The following MUC5AC variants were observed in gnomAD, a reference collection of about 807,000 sequenced individuals.
MUC5AC encodes the protein mucin-5AC.
A neutral mutation model predicts 169.7 loss-of-function variants in MUC5AC; 158 were observed. That is an observed-to-expected ratio of 0.93 (90% CI 0.82 to 1.06). The LOEUF is 1.06. Ranked by LOEUF, MUC5AC falls within the 50% of genes least tolerant of loss-of-function variation. MUC5AC has a pLI of 0.00. For synonymous variants in MUC5AC, 1,975 were observed against 1,237.0 expected (o/e 1.60, Z -12.52); for missense variants, 4,359 against 3,089.9 (o/e 1.41, Z -9.74).
At chr11:1,159,589 G>A (rs1860071106) in intron 1 of MUC5AC, among the ~76,000 whole-genome samples, 1 of 64,828 alleles carries the variant, frequency 1.5e-5, no homozygotes, top group Non-Finnish European at 3.6e-5. Context: ...GGGGCTGTGC[G>A]GGGCTGTGCG....
At position 1,197,925 on chromosome 11, in the gene MUC5AC, C is replaced by A. The variant is rs35915689; in HGVS notation, c.16056C>A (p.Pro5352=). Residue 5352 remains proline, a synonymous_variant, in exon 42 of 49, where the codon CCC becomes CCA. Coordinates refer to ENST00000621226, the MANE Select transcript of MUC5AC (RefSeq NM_001304359.2). ...CAGCCTGCAACACCAGCCGCTGCCC[C>A]GCGCCCGTGGGCTGTCCTGAGGGCG... The part of the protein sequence containing the change: ...YSCACNTSRC[P]APVGCPEGAR... 1.4e-6 allele frequency: 1 copy of A among 730,278 alleles called. No individual in the cohort carries two copies. The highest frequency in any genetic ancestry group is 2.5e-5 in the East Asian group (1 of 39,540). 45.2% of individuals were successfully genotyped at this position (730,278 alleles called of 1,614,324 possible). A position where few individuals can be genotyped will look rare whatever the true frequency, so the allele number is the denominator to read the frequency against.
intron 42 of MUC5AC, 87 bp from the exon 43 acceptor site, chr11:1,198,181 C>T (rs1016186286): frequency 1.6e-5 from 11 of 704,170 alleles, no homozygotes; most frequent in East Asian, 1.1e-4. Flanking sequence ...GGGAATGAGG[C>T]GCCCAGGAGG....
chr11:1,187,634 C>T lies in MUC5AC; in HGVS notation c.9489C>T (p.Ser3163=). The T allele has an allele frequency of 1.3e-6, 1 of 764,562 alleles. No homozygotes were observed. Among genetic ancestry groups the T allele is most frequent in the East Asian group, 2.4e-5 (1 of 41,218 alleles). 47.4% of individuals were successfully genotyped at this position (764,562 alleles called of 1,614,324 possible). Residue 3163 remains serine (S), a synonymous_variant, in exon 31 of 49, where the codon AGC becomes AGT. Coordinates refer to ENST00000621226, the MANE Select transcript of MUC5AC (RefSeq NM_001304359.2). ...GTTPSPVPTT[S]TIFAPRTSTT... Reference sequence around the variant, plus strand: ...CTCCCAGCCCTGTTCCCACCACCAGCACAATCTTTGCTCCTAGAACCAGCA... The same window carrying T: ...CTCCCAGCCCTGTTCCCACCACCAGTACAATCTTTGCTCCTAGAACCAGCA...
chr11:1,191,246 C>T lies in MUC5AC; in HGVS notation c.13101C>T (p.Ala4367=), dbSNP rs1267983674. 1 of 674,998 alleles carries T rather than the reference C, an allele frequency of 1.5e-6. No individual in the cohort carries two copies. The highest frequency in any genetic ancestry group is 2.7e-6 in the Non-Finnish European group (1 of 374,324). 41.8% of individuals were successfully genotyped at this position (674,998 alleles called of 1,614,324 possible). ...CCAGCACAACCTCTGCCTCTACAGC[C>T]AGCACAACCTCTGGTCCTGGAACTA... is the stretch of plus-strand genomic sequence containing the variant. The part of the protein sequence containing the change: ...PTTSTTSAST[A]STTSGPGTTP... The change falls in exon 31 of 49, where the codon GCC becomes GCT. Residue 4367 remains alanine, a synonymous_variant. Coordinates refer to ENST00000621226, the MANE Select transcript of MUC5AC (RefSeq NM_001304359.2).
chr11:1,191,254 C>A lies in MUC5AC; in HGVS notation c.13109C>A (p.Thr4370Asn), dbSNP rs1355495013. 5 of 736,700 alleles carry A rather than the reference C, an allele frequency of 6.8e-6. No individual in the cohort carries two copies. The East Asian group carries it at 1.2e-4, about 18-fold the overall frequency. The allele number at this position is 736,700 out of a possible 1,614,324, so 45.6% of individuals were successfully genotyped here. Residue 4370 changes from threonine (T) to asparagine (N), a missense_variant, in exon 31 of 49, where the codon ACC (threonine) becomes AAC (asparagine). By Grantham distance (65) the Thr-to-Asn change is moderately conservative. Transcript: ENST00000621226. Reference protein sequence around the residue: ...STTSASTASTTSGPGTTPSPV... With the variant: ...STTSASTASTNSGPGTTPSPV... ...ACCTCTGCCTCTACAGCCAGCACAA[C>A]CTCTGGTCCTGGAACTACTCCCAGC...
In MUC5AC at chr11:1,164,474, C is replaced by T. The variant is rs1477184421; in HGVS notation, c.1071C>T (p.Asn357=). 1 of 1,611,978 alleles carries T rather than the reference C, an allele frequency of 6.2e-7. No individual in the cohort carries two copies. The highest frequency in any genetic ancestry group is 1.3e-5 in the African/African-American group (1 of 75,046). The part of the protein sequence containing the change: ...CRSPCADTCS[N]QEHSRACEDH... ...CCCCCTGCGCAGACACCTGCTCCAA[C>T]CAGGAGCACTCCCGGGCCTGTGAGG... Residue 357 remains asparagine, a synonymous_variant, in exon 9 of 49, where the codon AAC becomes AAT. Transcript: ENST00000621226.
intron 27 of MUC5AC, 27 bp from the exon 28 acceptor site, chr11:1,180,324 GGTT>G (rs1860787180): frequency 2.5e-6 from 1 of 398,640 alleles, no homozygotes; most frequent in Non-Finnish European, 4.4e-6. Flanking sequence ...CACTCGGTCT[GGTT>G]GTGACTCTGG....
chr11:1,179,155 G>C lies in MUC5AC; in HGVS notation c.3391G>C (p.Asp1131His). The C allele has an allele frequency of 1.5e-6, 1 of 679,506 alleles. No homozygotes were observed. The highest frequency in any genetic ancestry group is 2.7e-6 in the Non-Finnish European group (1 of 372,600). 42.1% of individuals were successfully genotyped at this position (679,506 alleles called of 1,614,324 possible). ...CGCGTGCGCCTGCGACTCCGGGGGT[G>C]ACTGCGAGTGCTTCTGCACGGCTGT... ...NDACACDSGG[D>H]CECFCTAVAA... is the part of the protein sequence containing the mutation. Residue 1131 changes from aspartate to histidine, a missense_variant, in exon 26 of 49, where the codon GAC (aspartate) becomes CAC (histidine). Physicochemically the swap from Asp to His is moderately conservative, Grantham distance 81. Transcript: ENST00000621226.
Position 1,165,435 on chromosome 11 carries a change from C to A in MUC5AC, c.1247+16C>A, listed in dbSNP as rs369576988. ...GCACCAACTGGTAGGTCCCAGCCCC[C>A]CTCCAGGCCACCAAGGATGTGCTAT... On this transcript the variant is annotated intron_variant, in intron 10 of 48. Transcript: ENST00000621226. 95 of 1,455,800 alleles carry A rather than the reference C, an allele frequency of 6.5e-5. No individual in the cohort carries two copies. The African/African-American group carries it at 1.5e-3, about 23-fold the overall frequency. 90.2% of individuals were successfully genotyped at this position (1,455,800 alleles called of 1,614,324 possible). A position where few individuals can be genotyped will look rare whatever the true frequency, so the allele number is the denominator to read the frequency against.
Position 1,195,140 on chromosome 11 carries a change from C to T in MUC5AC, c.15319C>T (p.Pro5107Ser), listed in dbSNP as rs1861234619. The T allele has an allele frequency of 1.3e-6, 1 of 761,736 alleles. No individual in the cohort carries two copies. The highest frequency in any genetic ancestry group is 1.7e-5 in the African/African-American group (1 of 57,718). The allele number at this position is 761,736 out of a possible 1,614,324, so 47.2% of individuals were successfully genotyped here. Residue 5107 changes from proline (P) to serine (S), a missense_variant, in exon 36 of 49, where the codon CCG becomes TCG. Pro to Ser is a moderately conservative substitution (Grantham distance 74). Coordinates refer to ENST00000621226, the MANE Select transcript of MUC5AC (RefSeq NM_001304359.2). Reference sequence around the variant, plus strand: ...CCAGCCAGCCTGCCACCGGCCTCACCCGACGCCCACCACGGTCGGGCCCAC... The same window carrying T: ...CCAGCCAGCCTGCCACCGGCCTCACTCGACGCCCACCACGGTCGGGCCCAC... Reference protein sequence around the residue: ...PDQPACHRPHPTPTTVGPTTV... With the variant: ...PDQPACHRPHSTPTTVGPTTV...
At chr11:1,165,867 C>A (rs750694041) in intron 11 of MUC5AC, 107 bp downstream of exon 11, 111 of 1,500,750 alleles carry the variant, frequency 7.4e-5, no homozygotes, top group Non-Finnish European at 9.7e-5. Context: ...CTGGGGTCAC[C>A]CTTGGGGGTC....
At chr11:1,175,586 C>G (rs1356255482) in intron 19 of MUC5AC, among the ~76,000 whole-genome samples, 8 of 147,088 alleles carry the variant, frequency 5.4e-5, no homozygotes, top group Non-Finnish European at 9.0e-5. Context: ...CACACACCCA[C>G]TCATGCACAC....
rs1354559550 is a variant in MUC5AC, at chr11:1,186,609, T to G, written c.8464T>G (p.Ser2822Ala). The change falls in exon 31 of 49, where the codon TCG becomes GCG. Residue 2822 changes from serine to alanine, a missense_variant. Coordinates refer to ENST00000621226, the MANE Select transcript of MUC5AC (RefSeq NM_001304359.2). The part of the protein sequence containing the change: ...TTSTPQTSTT[S>A]APTTSTTSGP... ...TTCCACACCACAGACCAGCACAACT[T>G]CGGCTCCTACAACCAGCACAACTTC... 1.5e-5 allele frequency: 11 copies of G among 716,498 alleles called. No individual in the cohort carries two copies. In the African/African-American group the frequency reaches 1.9e-4, roughly 13 times the overall value. The allele number at this position is 716,498 out of a possible 1,614,324, so 44.4% of individuals were successfully genotyped here.
chr11:1,159,560 GGGC>G lies in MUC5AC; in HGVS notation c.74-1051_74-1049del. Among the ~76,000 whole-genome samples, 2 of 22,930 alleles carry G rather than the reference GGGC, an allele frequency of 8.7e-5. 1 individual carries two copies. The highest frequency in any genetic ancestry group is 2.1e-4 in the African/African-American group (2 of 9,438). The allele number at this position is 22,930 out of a possible 152,430, so 15.0% of individuals were successfully genotyped here. A position where few individuals can be genotyped will look rare whatever the true frequency, so the allele number is the denominator to read the frequency against. On this transcript the variant is annotated intron_variant, in intron 1 of 48. Coordinates refer to ENST00000621226, the MANE Select transcript of MUC5AC (RefSeq NM_001304359.2). ...GTGCGGGGCTGTGCGGGGCTGTGCG[GGGC>G]TGTGCGGGGCTGTGCGGGGCTGTGC...
At position 1,160,626 on chromosome 11, in the gene MUC5AC, G is replaced by T; in HGVS notation, c.88G>T (p.Gly30Cys). 1 of 1,609,290 alleles carries T rather than the reference G, an allele frequency of 6.2e-7. No individual in the cohort carries two copies. ...CTRHTGHAQDGSSESSYKHHP... is the reference protein window; with the variant it reads ...CTRHTGHAQDCSSESSYKHHP... The stretch of plus-strand genomic sequence containing the variant: ...TCTTTCTGCAGGCCATGCCCAGGAT[G>T]GCTCCTCCGAATCCAGCTACAAGCA... The change falls in exon 2 of 49, where the codon GGC becomes TGC. Residue 30 changes from glycine to cysteine, a missense_variant. Coordinates refer to ENST00000621226, the MANE Select transcript of MUC5AC (RefSeq NM_001304359.2).
chr11:1,164,874 G>T (rs1860265834), intron 9 of MUC5AC, among the ~76,000 whole-genome samples: 1 of 134,072 alleles, frequency 7.5e-6, no homozygotes, highest in Non-Finnish European at 1.6e-5. Context: ...GCCCCCTGAG[G>T]CTGGCTGATG....
Position 1,187,577 on chromosome 11 carries a change from T to C in MUC5AC, c.9432T>C (p.Ser3144=). 1 of 756,978 alleles carries C rather than the reference T, an allele frequency of 1.3e-6. No individual in the cohort carries two copies. The highest frequency in any genetic ancestry group is 2.4e-5 in the East Asian group (1 of 40,942). 46.9% of individuals were successfully genotyped at this position (756,978 alleles called of 1,614,324 possible). A position where few individuals can be genotyped will look rare whatever the true frequency, so the allele number is the denominator to read the frequency against. ...CTACAACCAGCACAACTTCTGCCTC[T>C]ACAGCCAGCAAAACCTCTGGTCCTG... The part of the protein sequence containing the change: ...SPPTTSTTSA[S]TASKTSGPGT... The change falls in exon 31 of 49, where the codon TCT becomes TCC. Residue 3144 remains serine (S), a synonymous_variant. Coordinates refer to ENST00000621226, the MANE Select transcript of MUC5AC (RefSeq NM_001304359.2).
In MUC5AC at chr11:1,187,989, G is replaced by C. The variant is rs1449687181; in HGVS notation, c.9844G>C (p.Glu3282Gln). 2.6e-6 allele frequency: 2 copies of C among 758,986 alleles called. No individual in the cohort carries two copies. Among genetic ancestry groups the C allele is most frequent in the Non-Finnish European group, 4.8e-6 (2 of 414,022 alleles). 47.0% of individuals were successfully genotyped at this position (758,986 alleles called of 1,614,324 possible). A position where few individuals can be genotyped will look rare whatever the true frequency, so the allele number is the denominator to read the frequency against. ...CGAGAGCCACCCGGAGGTGAGCATT[G>C]AACACCTGGGCCAGGTGGTGCAGTG... ...RAESHPEVSI[E>Q]HLGQVVQCSR... Residue 3282 changes from glutamate (E) to glutamine (Q), a missense_variant, in exon 31 of 49, where the codon GAA becomes CAA. Transcript: ENST00000621226.
chr11:1,163,103 G>A (rs1365123946), intron 6 of MUC5AC, 58 bp downstream of exon 6: 21 of 1,488,644 alleles, frequency 1.4e-5, no homozygotes, highest in South Asian at 1.4e-4. Context: ...GCTCAGTGTT[G>A]TGTGCACACA....
Sources: allele counts gnomAD v4.1 joint callset (sites outside exome capture counted in the v4.1 genomes callset), GRCh38; gene constraint gnomAD v4.1.1; transcripts MANE v1.5; gene names NCBI Gene and HGNC (gene_info 2026-07-23, HGNC 2026-07-21).